INPP5A: variants seen among roughly 807,000 people sequenced by gnomAD.
The protein encoded by INPP5A is 43 kDa inositol polyphosphate 5-phophatase.
Under a neutral mutation model 65.2 loss-of-function variants are expected in INPP5A, and 14 were observed. The observed-to-expected ratio is 0.21, with a 90% CI of 0.14 to 0.34. INPP5A has a LOEUF of 0.34. Among genes scored for constraint, INPP5A ranks in the 10% least tolerant of loss-of-function variants. The probability of loss-of-function intolerance (pLI) is 1.00; values close to 1 mark genes in which losing one functional copy is unlikely to be tolerated. For missense variants in INPP5A, 431 were observed against 545.6 expected (o/e 0.79, Z 2.09); for synonymous variants, 207 against 208.3 (o/e 0.99, Z 0.05).
chr10:132,663,129 C>T lies in INPP5A; in HGVS notation c.306+12624C>T, dbSNP rs2072757516. Reference sequence around the variant, plus strand: ...GTCTCACAACTCAGGCAACTCGGCACGCCGCAGGACATAACGGCAGAGTGT... The same window carrying T: ...GTCTCACAACTCAGGCAACTCGGCATGCCGCAGGACATAACGGCAGAGTGT... On this transcript the variant is annotated intron_variant, in intron 4 of 15. Transcript: ENST00000368594. This position sits in a 1 kb window ranked among gnomAD's most constrained non-coding sequence, Gnocchi z 4.5. 6.6e-6 allele frequency among the ~76,000 whole-genome samples: 1 copy of T among 152,220 alleles called. No individual in the cohort carries two copies. The highest frequency in any genetic ancestry group is 2.4e-5 in the African/African-American group (1 of 41,442).
chr10:132,615,846 C>T (rs557448262), intron 2 of INPP5A, among the ~76,000 whole-genome samples: 7 of 152,110 alleles, frequency 4.6e-5, no homozygotes, highest in Non-Finnish European at 5.9e-5. Context: ...GGCTGGGAGG[C>T]CCCAGGCTGG....
intron 2 of INPP5A, among the ~76,000 whole-genome samples, chr10:132,624,367 GGT>G (rs1489393633): frequency 6.6e-6 from 1 of 152,230 alleles, no homozygotes. Context: ...TTTTGGCTGT[GGT>G]GCCACTTGCA....
At chr10:132,607,728 C>A (rs1180260637) in intron 1 of INPP5A, among the ~76,000 whole-genome samples, 187 bp from the exon 2 acceptor site, 1 of 152,234 alleles carries the variant, frequency 6.6e-6, no homozygotes, top group East Asian at 1.9e-4. Flanking sequence ...GAGCGGAGCC[C>A]CCACACAGAG....
At chr10:132,574,014 G>T (rs1275486021) in intron 1 of INPP5A, among the ~76,000 whole-genome samples, 14 of 95,560 alleles carry the variant, frequency 1.5e-4, no homozygotes, top group South Asian at 4.6e-4. Flanking sequence ...TTGTTGAGAT[G>T]TTGGGGTGTA....
chr10:132,666,198 C>T (rs1333377865), intron 4 of INPP5A, among the ~76,000 whole-genome samples: 1 of 152,164 alleles, frequency 6.6e-6, no homozygotes, highest in Non-Finnish European at 1.5e-5. Flanking sequence ...TACTTCCTCA[C>T]TATGATTCAT....
intron 12 of INPP5A, among the ~76,000 whole-genome samples, chr10:132,777,366 C>A (rs941035619): frequency 3.3e-5 from 5 of 152,198 alleles, no homozygotes; most frequent in Non-Finnish European, 7.3e-5. Flanking sequence ...TTTCATCATA[C>A]TTTAGACCAT....
At chr10:132,630,258 C>T (rs1447634932) in intron 2 of INPP5A, among the ~76,000 whole-genome samples, 11 of 150,130 alleles carry the variant, frequency 7.3e-5, no homozygotes, top group Admixed American at 3.3e-4. Flanking sequence ...GAGGGGAAGG[C>T]GTCCATGAGG....
At chr10:132,717,136 G>A (rs1039395438) in intron 8 of INPP5A, among the ~76,000 whole-genome samples, 5 of 152,154 alleles carry the variant, frequency 3.3e-5, no homozygotes, top group Non-Finnish European at 7.4e-5. Context: ...GCAGACGGCC[G>A]CCTTCTCACT....
chr10:132,590,555 T>C (rs1343077003), intron 1 of INPP5A, among the ~76,000 whole-genome samples: 2 of 152,118 alleles, frequency 1.3e-5, no homozygotes, highest in African/African-American at 4.8e-5. Context: ...CGTTCGAGGA[T>C]GTTCCGACCA....
intron 6 of INPP5A, among the ~76,000 whole-genome samples, chr10:132,703,424 C>T (rs981820841): frequency 6.6e-6 from 1 of 150,450 alleles, no homozygotes; most frequent in Admixed American, 6.6e-5. Context: ...CTTCACCCCC[C>T]CACATACACA....
intron 1 of INPP5A, among the ~76,000 whole-genome samples, chr10:132,579,379 C>G (rs1051758403): frequency 1.3e-5 from 2 of 152,046 alleles, no homozygotes; most frequent in African/African-American, 4.8e-5. Context: ...TTTTGAGTCC[C>G]CCCGCCCCAG....
intron 11 of INPP5A, among the ~76,000 whole-genome samples, chr10:132,756,764 C>T (rs2134657086): frequency 6.6e-6 from 1 of 152,346 alleles, no homozygotes; most frequent in South Asian, 2.1e-4. Flanking sequence ...CAGGCAGGTC[C>T]TTCAGGCAGG....
intron 9 of INPP5A, among the ~76,000 whole-genome samples, chr10:132,748,913 T>G (rs983562293): frequency 1.3e-5 from 2 of 152,196 alleles, no homozygotes; most frequent in Non-Finnish European, 2.9e-5. Context: ...GAGCCTGAGT[T>G]GTTCTTGGGT....
At chr10:132,548,689 C>T (rs1320608963) in intron 1 of INPP5A, among the ~76,000 whole-genome samples, 4 of 152,110 alleles carry the variant, frequency 2.6e-5, no homozygotes, top group Non-Finnish European at 4.4e-5. Context: ...GTATCGTGAA[C>T]CACAGGCTGT....
intron 2 of INPP5A, among the ~76,000 whole-genome samples, chr10:132,608,576 T>C (rs2071894844): frequency 6.6e-6 from 1 of 152,150 alleles, no homozygotes; most frequent in Non-Finnish European, 1.5e-5. Flanking sequence ...CGAGCATGTG[T>C]GCCTGTGGGG....
chr10:132,651,084 G>A lies in INPP5A; in HGVS notation c.306+579G>A, dbSNP rs377255301. Among the ~76,000 whole-genome samples the A allele has an allele frequency of 3.2e-4, 49 of 152,294 alleles. No homozygotes were observed. In the South Asian group the frequency reaches 9.3e-3, roughly 29 times the overall value. On this transcript the variant is annotated intron_variant, in intron 4 of 15. Transcript: ENST00000368594. This position sits in a 1 kb window ranked among gnomAD's most constrained non-coding sequence, Gnocchi z 5.0. ...ACATGAGAGGGTGGCCCTGGTGGAC[G>A]TGGCAGCCACAGAGATACAGGCACC... is the stretch of plus-strand genomic sequence containing the variant.
At chr10:132,634,230 G>A (rs538455579) in intron 2 of INPP5A, among the ~76,000 whole-genome samples, 61 of 151,736 alleles carry the variant, frequency 4.0e-4, no homozygotes, top group Non-Finnish European at 6.0e-4. Flanking sequence ...CTCCCTTGGC[G>A]GGTGTGCCCC....
chr10:132,770,452 G>A lies in INPP5A; in HGVS notation c.977+4606G>A, dbSNP rs117551955. ...GCGTATGGAGGATGGGAATTGTCAC[G>A]TCCATTGCCTGGGGGCTCCCTGTGT... On this transcript the variant is annotated intron_variant, in intron 12 of 15. Transcript: ENST00000368594. Among the ~76,000 whole-genome samples, 172 of 152,358 alleles carry A rather than the reference G, an allele frequency of 1.1e-3. 1 individual carries two copies. The highest frequency in any genetic ancestry group is 1.7e-3 in the Non-Finnish European group (114 of 68,042).
intron 1 of INPP5A, among the ~76,000 whole-genome samples, chr10:132,593,077 C>G (rs1480502402): frequency 1.3e-5 from 2 of 152,238 alleles, no homozygotes; most frequent in African/African-American, 4.8e-5. Context: ...CTGCCCTCTG[C>G]TTACAGCCTC....
Sources: allele counts gnomAD v4.1 joint callset (sites outside exome capture counted in the v4.1 genomes callset), GRCh38; gene constraint gnomAD v4.1.1; non-coding constraint Gnocchi (gnomAD v3.1); transcripts MANE v1.5; gene names NCBI Gene and HGNC (gene_info 2026-07-23, HGNC 2026-07-21).